The following CALN1 variants were observed in gnomAD, a reference collection of about 807,000 sequenced individuals.
CALN1 encodes calneuron 1.
CALN1 carries 17 observed loss-of-function variants against 30.6 expected under a neutral mutation model. That is an observed-to-expected ratio of 0.56 (90% CI 0.38 to 0.83). The LOEUF is 0.83. Ranked by LOEUF, CALN1 falls within the 40% of genes least tolerant of loss-of-function variation. CALN1 has a pLI of 0.00. For synonymous variants in CALN1, 156 were observed against 131.4 expected (o/e 1.19, Z -1.28); for missense variants, 291 against 354.9 (o/e 0.82, Z 1.45).
intron 3 of CALN1, among the ~76,000 whole-genome samples, chr7:72,193,957 G>A (rs1182579169): frequency 6.6e-6 from 1 of 152,030 alleles, no homozygotes; most frequent in Admixed American, 6.6e-5. Flanking sequence ...GGACTTGGGG[G>A]AAAGGGTGGG....
At chr7:72,373,366 A>G (rs752854415) in intron 2 of CALN1, among the ~76,000 whole-genome samples, 1 of 152,200 alleles carries the variant, frequency 6.6e-6, no homozygotes, top group Non-Finnish European at 1.5e-5. Flanking sequence ...AACTTTTCAA[A>G]TTTTGCAAAA....
intron 3 of CALN1, among the ~76,000 whole-genome samples, chr7:72,246,082 C>T (rs495016): frequency 0.73 from 110,681 of 152,132 alleles, 41,233 homozygotes; most frequent in East Asian, 1. Context: ...CCCTCTTATC[C>T]GACAAAAGTA....
chr7:72,232,607 C>G (rs534219360), intron 3 of CALN1, among the ~76,000 whole-genome samples: 1 of 83,754 alleles, frequency 1.2e-5, no homozygotes, highest in Non-Finnish European at 2.1e-5. Context: ...ATTACAAGCA[C>G]CTGCCACCAT....
intron 3 of CALN1, among the ~76,000 whole-genome samples, chr7:72,225,733 T>G (rs762121394): frequency 2.0e-5 from 3 of 152,168 alleles, no homozygotes; most frequent in Non-Finnish European, 4.4e-5. Context: ...CAGCTGTTTC[T>G]GAGCTCCTAG....
intron 1 of CALN1, among the ~76,000 whole-genome samples, chr7:72,426,941 A>G (rs762324159): frequency 3.9e-5 from 6 of 152,016 alleles, no homozygotes; most frequent in Non-Finnish European, 7.4e-5. Flanking sequence ...CTCCCACAGG[A>G]GCCCCCCATT....
intron 3 of CALN1, among the ~76,000 whole-genome samples, chr7:72,159,246 G>A (rs1037067146): frequency 3.9e-5 from 6 of 152,184 alleles, no homozygotes; most frequent in Non-Finnish European, 8.8e-5. Context: ...ATCAATAATG[G>A]CTTCAGTGAT....
chr7:72,241,395 C>A (rs541922606), intron 3 of CALN1, among the ~76,000 whole-genome samples: 1 of 152,036 alleles, frequency 6.6e-6, no homozygotes, highest in Non-Finnish European at 1.5e-5. Flanking sequence ...GTTTTCCCCC[C>A]CACACATTTA....
At chr7:71,802,212 G>A (rs1787352780) in intron 6 of CALN1, among the ~76,000 whole-genome samples, 1 of 152,032 alleles carries the variant, frequency 6.6e-6, no homozygotes, top group African/African-American at 2.4e-5. Flanking sequence ...CTGGTGACCG[G>A]CAAATAGATG....
chr7:72,175,459 A>C (rs1204482998), intron 3 of CALN1, among the ~76,000 whole-genome samples: 2 of 152,172 alleles, frequency 1.3e-5, no homozygotes, highest in Non-Finnish European at 2.9e-5. Context: ...ATTCTTGAGG[A>C]GCATCATGAC....
chr7:71,954,627 G>A (rs1028045166), intron 5 of CALN1, among the ~76,000 whole-genome samples: 1 of 152,234 alleles, frequency 6.6e-6, no homozygotes, highest in Non-Finnish European at 1.5e-5. Flanking sequence ...ACTCCAGCTT[G>A]AGTGACAGAG....
At chr7:72,024,401 T>A (rs955106948) in intron 4 of CALN1, among the ~76,000 whole-genome samples, 5 of 152,132 alleles carry the variant, frequency 3.3e-5, no homozygotes, top group African/African-American at 9.7e-5. Context: ...TGAACAGCAC[T>A]TTTTTTGTTG....
At chr7:72,401,390 TTCTC>T (rs756457628) in intron 2 of CALN1, among the ~76,000 whole-genome samples, 8 of 152,214 alleles carry the variant, frequency 5.3e-5, no homozygotes, top group Non-Finnish European at 7.4e-5. Flanking sequence ...CTTTTTGGCT[TTCTC>T]TCTCTCAGCC....
At chr7:72,329,633 G>A (rs991301701) in intron 2 of CALN1, among the ~76,000 whole-genome samples, 4 of 152,100 alleles carry the variant, frequency 2.6e-5, no homozygotes, top group Admixed American at 6.6e-5. Flanking sequence ...TGTCATTCTG[G>A]TATCAGCCTA....
chr7:72,298,472 A>C (rs1238086484), intron 2 of CALN1, among the ~76,000 whole-genome samples: 1 of 152,170 alleles, frequency 6.6e-6, no homozygotes, highest in Non-Finnish European at 1.5e-5. Context: ...TAGAGTAACT[A>C]ATGAAGGGCT....
chr7:71,996,673 C>T (rs996968797), intron 5 of CALN1, among the ~76,000 whole-genome samples: 3 of 152,170 alleles, frequency 2.0e-5, no homozygotes, highest in African/African-American at 7.2e-5. Context: ...ATAGCTAATG[C>T]ATGCAGGGCT....
intron 3 of CALN1, among the ~76,000 whole-genome samples, chr7:72,132,047 AAT>A (rs1809184590): frequency 1.3e-5 from 2 of 152,222 alleles, no homozygotes; most frequent in Non-Finnish European, 2.9e-5. Flanking sequence ...ATGTATATGC[AAT>A]ATATGTTTAT....
At chr7:72,205,551 A>AAATATATACATATATATGTATATATAT in intron 3 of CALN1, among the ~76,000 whole-genome samples, 52 of 82,980 alleles carry the variant, frequency 6.3e-4, no homozygotes, top group Non-Finnish European at 8.6e-4. Context: ...GCAAAAAAAA[A>AAATATATACATATATATGTATATATAT]ATATATATAT....
intron 3 of CALN1, among the ~76,000 whole-genome samples, chr7:72,243,056 G>A (rs1010933193): frequency 7.9e-5 from 12 of 152,184 alleles, no homozygotes; most frequent in African/African-American, 2.9e-4. Context: ...CAGATAAAGG[G>A]AAGTGATGCG....
intron 5 of CALN1, among the ~76,000 whole-genome samples, chr7:71,811,252 G>A (rs1014237635): frequency 6.6e-6 from 1 of 152,008 alleles, no homozygotes; most frequent in Admixed American, 6.6e-5. Flanking sequence ...CTATCATCCA[G>A]GCTGGAGTCC....
Sources: allele counts gnomAD v4.1 joint callset (sites outside exome capture counted in the v4.1 genomes callset), GRCh38; gene constraint gnomAD v4.1.1; transcripts MANE v1.5; gene names NCBI Gene and HGNC (gene_info 2026-07-23, HGNC 2026-07-21).